SLC6A13: variants seen among roughly 807,000 people sequenced by gnomAD.
The protein encoded by SLC6A13 is solute carrier family 6 member 13, also known as sodium- and chloride-dependent GABA transporter 2.
SLC6A13 carries 69 observed loss-of-function variants against 72.9 expected under a neutral mutation model. The observed-to-expected ratio is 0.95, with a 90% confidence interval of 0.78 to 1.16. The LOEUF is 1.16. SLC6A13 is among the 50% of genes most tolerant of loss of function. The pLI is 0.00. For synonymous variants in SLC6A13, 303 were observed against 303.0 expected, an observed-to-expected ratio of 1.00 and a Z score of 0.00; for missense variants, 735 against 760.5, an observed-to-expected ratio of 0.97 and a Z score of 0.39.
chr12:220,909 C>T lies in SLC6A13; in HGVS notation c.*39G>A, dbSNP rs775458638. On this transcript the variant is annotated 3_prime_UTR_variant, in exon 15 of 15. Transcript: ENST00000343164. The stretch of plus-strand genomic sequence containing the variant: ...GCCACGTTCCCTCCACAGCCATCCC[C>T]AAGGCCAGGCACACAGGCACCATCC... The T allele has an allele frequency of 6.2e-7, 1 of 1,608,098 alleles. No homozygotes were observed. The highest frequency in any genetic ancestry group is 8.5e-7 in the Non-Finnish European group (1 of 1,179,394).
At chr12:249,608 T>C (rs1464749868) in intron 2 of SLC6A13, among the ~76,000 whole-genome samples, 1 of 152,174 alleles carries the variant, frequency 6.6e-6, no homozygotes, top group Admixed American at 6.5e-5. Context: ...AAATTCATTT[T>C]TGGTTTAAAC....
At chr12:242,837 G>C (rs1449868467) in intron 3 of SLC6A13, 83 bp from the exon 4 acceptor site, 1 of 1,329,500 alleles carries the variant, frequency 7.5e-7, no homozygotes, top group Non-Finnish European at 1.0e-6. Context: ...GGGACGCTGA[G>C]GTGAGAGGAT....
chr12:238,364 G>T, intron 4 of SLC6A13: 1 of 1,308,550 alleles, frequency 7.6e-7, no homozygotes, highest in Non-Finnish European at 1.0e-6. Context: ...TAATAAGAGG[G>T]AAGTGATGTG....
intron 7 of SLC6A13, among the ~76,000 whole-genome samples, chr12:233,769 G>A (rs893424402): frequency 6.6e-6 from 1 of 152,160 alleles, no homozygotes; most frequent in Non-Finnish European, 1.5e-5. Context: ...TACTACCCTA[G>A]TGATATTTGC....
rs1010745641 is a variant in SLC6A13 at position 243,906 on chromosome 12, A to G, written c.203-93T>C. ...CCATTACCAACCCATACTGCCAGTC[A>G]GAATCTCGGAGGCAGAGAACATGCA... On this transcript the variant is annotated intron_variant, in intron 2 of 14. Coordinates refer to ENST00000343164, the MANE Select transcript of SLC6A13 (RefSeq NM_016615.5). The G allele has an allele frequency of 2.5e-5, 31 of 1,250,328 alleles. No individual in the cohort carries two copies. The African/African-American group carries it at 4.5e-4, about 18-fold the overall frequency. The allele number at this position is 1,250,328 out of a possible 1,614,324, so 77.5% of individuals were successfully genotyped here.
intron 3 of SLC6A13, among the ~76,000 whole-genome samples, chr12:243,338 ATT>A (rs1313321456): frequency 2.0e-5 from 3 of 152,164 alleles, no homozygotes; most frequent in Non-Finnish European, 4.4e-5. Context: ...GAATGAAATA[ATT>A]TTTTCTCATT....
At chr12:226,366 C>G (rs748756123) in intron 9 of SLC6A13, 24 bp downstream of exon 9, 1 of 1,613,316 alleles carries the variant, frequency 6.2e-7, no homozygotes, top group Non-Finnish European at 8.5e-7. Context: ...CTCACTGCCT[C>G]CAGGCCTCCC....
intron 4 of SLC6A13, among the ~76,000 whole-genome samples, chr12:239,641 C>T (rs1591843808): frequency 6.6e-6 from 1 of 152,204 alleles, no homozygotes; most frequent in Non-Finnish European, 1.5e-5. Context: ...TTGTTTATGT[C>T]TACCTCCCAT....
In SLC6A13 at chr12:221,077, G is replaced by T. The variant is rs374222432; in HGVS notation, c.1687-7C>A. 9.1e-5 allele frequency: 144 copies of T among 1,586,220 alleles called. No individual in the cohort carries two copies. The highest frequency in any genetic ancestry group is 2.2e-5 in the Non-Finnish European group (26 of 1,167,728). On this transcript the variant is annotated splice_region_variant and splice_polypyrimidine_tract_variant and intron_variant, in intron 14 of 14. Transcript: ENST00000343164. The stretch of plus-strand genomic sequence containing the variant: ...ACATGAGCTGACGGATTCTCTGCGG[G>T]GATAGCAGAGGTGGCTGTCAGGTGG...
At chr12:221,109 G>A (rs73038072) in intron 14 of SLC6A13, 39 bp from the exon 15 acceptor site, 36,608 of 1,552,414 alleles carry the variant, frequency 0.024, 555 homozygotes, top group Middle Eastern at 0.078. Context: ...GTGGTGGAGC[G>A]GGGGCAGGTC....
chr12:222,599 A>T lies in SLC6A13; in HGVS notation c.1448T>A (p.Met483Lys), dbSNP rs1478112892. ...AKRFYDNIEDMIGYRPWPLIK... is the reference protein window; with the variant it reads ...AKRFYDNIEDKIGYRPWPLIK... ...AAGAGGCCATGGCCTGTACCCAATCATGTCTTCGATGTTGTCGTAGAAGCG... is the reference window on the plus strand; with the variant it reads ...AAGAGGCCATGGCCTGTACCCAATCTTGTCTTCGATGTTGTCGTAGAAGCG... Residue 483 changes from methionine to lysine, a missense_variant, in exon 13 of 15, where the codon ATG becomes AAG. Transcript: ENST00000343164. 1.9e-6 allele frequency: 3 copies of T among 1,610,006 alleles called. No homozygotes were observed. Among genetic ancestry groups the T allele is most frequent in the Non-Finnish European group, 2.5e-6 (3 of 1,177,874 alleles).
chr12:254,035 T>C lies in SLC6A13; in HGVS notation c.202+5816A>G, dbSNP rs904304105. 2.0e-5 allele frequency among the ~76,000 whole-genome samples: 3 copies of C among 152,208 alleles called. No individual in the cohort carries two copies. The highest frequency in any genetic ancestry group is 7.2e-5 in the African/African-American group (3 of 41,452). ...ACCAGAACCCTCTCCCGCTACCTTC[T>C]TCCCACATCACGCCTCCTGCGTTAT... On this transcript the variant is annotated intron_variant, in intron 2 of 14. Transcript: ENST00000343164. This position sits in a 1 kb window ranked among gnomAD's most constrained non-coding sequence, Gnocchi z 4.4.
chr12:229,134 A>G (rs1941600949), intron 7 of SLC6A13, among the ~76,000 whole-genome samples: 1 of 152,324 alleles, frequency 6.6e-6, no homozygotes, highest in Admixed American at 6.5e-5. Flanking sequence ...CAAGAAGCAC[A>G]GAGGAGGATT....
rs149274720 is a variant in SLC6A13 at position 250,827 on chromosome 12, G to GC, written c.203-7015dup. Among the ~76,000 whole-genome samples, 21 of 120,364 alleles carry GC rather than the reference G, an allele frequency of 1.7e-4. 1 individual carries two copies. Among genetic ancestry groups the GC allele is most frequent in the East Asian group, 2.6e-4 (1 of 3,912 alleles). The allele number at this position is 120,364 out of a possible 152,430, so 79.0% of individuals were successfully genotyped here. On this transcript the variant is annotated intron_variant, in intron 2 of 14. Coordinates refer to ENST00000343164, the MANE Select transcript of SLC6A13 (RefSeq NM_016615.5). ...CTGGAAATGATAAGGACCCAAAATAGCCCCCCAAAAAAAAAAAAAAAAAAA... is the reference window on the plus strand; with the variant it reads ...CTGGAAATGATAAGGACCCAAAATAGCCCCCCCAAAAAAAAAAAAAAAAAAA...
Position 223,176 on chromosome 12 carries a change from A to G in SLC6A13, c.1370T>C (p.Leu457Pro). ...GAGGGACTCGAAGATGGCCACGAAC[A>G]GGAGGCACATGCCACTGGCCGCATA... Reference protein sequence around the residue: ...DYYAASGMCLLFVAIFESLCV... With the variant: ...DYYAASGMCLPFVAIFESLCV... Residue 457 changes from leucine (L) to proline (P), a missense_variant, in exon 12 of 15, where the codon CTG (leucine) becomes CCG (proline). Transcript: ENST00000343164. 6.2e-7 allele frequency: 1 copy of G among 1,614,006 alleles called. No homozygotes were observed.
Position 224,494 on chromosome 12 carries a change from G to A in SLC6A13, c.1080C>T (p.Ile360=), listed in dbSNP as rs368974230. 162 of 1,614,096 alleles carry A rather than the reference G, an allele frequency of 1.0e-4. No homozygotes were observed. The highest frequency in any genetic ancestry group is 3.3e-4 in the Middle Eastern group (2 of 6,062). Residue 360 remains isoleucine (I), a synonymous_variant, in exon 10 of 15, where the codon ATC becomes ATT. Coordinates refer to ENST00000343164, the MANE Select transcript of SLC6A13 (RefSeq NM_016615.5). ...VAESGPGLAF[I]AYPRAVVMLP... is the part of the protein sequence containing the mutation. ...GCATCACCACAGCCCGCGGGTAAGC[G>A]ATGAAAGCCAGGCCAGGGCCTACGA... is the stretch of plus-strand genomic sequence containing the variant.
rs1321939144 is a variant in SLC6A13 at position 243,765 on chromosome 12, G to A, written c.251C>T (p.Pro84Leu). Residue 84 changes from proline (P) to leucine (L), a missense_variant, in exon 3 of 15, where the codon CCT (proline) becomes CTT (leucine). Pro to Leu is a moderately conservative substitution (Grantham distance 98, BLOSUM62 -3). Coordinates refer to ENST00000343164, the MANE Select transcript of SLC6A13 (RefSeq NM_016615.5). Reference protein sequence around the residue: ...YLVFLFTCGIPVFLLETALGQ... With the variant: ...YLVFLFTCGILVFLLETALGQ... ...TAGTGCTGTCTCCAGAAGGAAGACAGGAATGCCACAGGTAAAGAGGAAGAC... is the reference window on the plus strand; with the variant it reads ...TAGTGCTGTCTCCAGAAGGAAGACAAGAATGCCACAGGTAAAGAGGAAGAC... 1 of 1,614,056 alleles carries A rather than the reference G, an allele frequency of 6.2e-7. No individual in the cohort carries two copies. Among genetic ancestry groups the A allele is most frequent in the Non-Finnish European group, 8.5e-7 (1 of 1,180,006 alleles).
rs548038764 is a variant in SLC6A13, at chr12:252,198, G to A, written c.202+7653C>T. 1.8e-4 allele frequency among the ~76,000 whole-genome samples: 27 copies of A among 152,082 alleles called. No homozygotes were observed. The South Asian group carries it at 2.5e-3, about 14-fold the overall frequency. On this transcript the variant is annotated intron_variant, in intron 2 of 14. Coordinates refer to ENST00000343164, the MANE Select transcript of SLC6A13 (RefSeq NM_016615.5). ...CCATTTATATAATATTCTAAGAAAC[G>A]CAAACTAAGGTATGGTGGTATCACA...
intron 13 of SLC6A13, 50 bp downstream of exon 13, chr12:222,481 GC>G: frequency 8.3e-7 from 1 of 1,201,100 alleles, no homozygotes; most frequent in Non-Finnish European, 1.2e-6. Context: ...ACCCCTGCTA[GC>G]CACCGTCTCT....
Sources: gnomAD v4.1 joint callset for allele counts (sites outside exome capture counted in the v4.1 genomes callset) on GRCh38, gnomAD v4.1.1 for gene constraint, Gnocchi (gnomAD v3.1) non-coding constraint, MANE v1.5 for transcripts, NCBI Gene and HGNC (gene_info 2026-07-23, HGNC 2026-07-21) for gene names.